Variants in LYPD6B observed in about 807,000 individuals in gnomAD.
LYPD6B encodes the protein LY6/PLAUR domain containing 6B.
In LYPD6B, 17 loss-of-function variants were observed where a neutral mutation model predicts 22.8. That is an observed-to-expected ratio of 0.75 (90% CI 0.51 to 1.12). The LOEUF (loss-of-function observed/expected upper bound fraction) is 1.12, where lower values mean the gene tolerates loss of function less well. Among genes scored for constraint, LYPD6B ranks in the 50% most tolerant of loss-of-function variants. The pLI, the probability that LYPD6B is intolerant of heterozygous loss-of-function variation, is 0.00. For missense variants in LYPD6B, 221 were observed against 258.3 expected, an observed-to-expected ratio of 0.86 and a Z score of 0.99; for synonymous variants, 106 against 91.6, an observed-to-expected ratio of 1.16 and a Z score of -0.90.
chr2:149,098,121 C>T (rs1447538557), intron 1 of LYPD6B, among the ~76,000 whole-genome samples: 1 of 151,992 alleles, frequency 6.6e-6, no homozygotes, highest in African/African-American at 2.4e-5. Context: ...AGATAATAGA[C>T]CCAGCTCTCA....
intron 1 of LYPD6B, among the ~76,000 whole-genome samples, chr2:149,051,727 G>A (rs1285667942): frequency 6.6e-6 from 1 of 151,990 alleles, no homozygotes; most frequent in African/African-American, 2.4e-5. Context: ...GTGCAGTGGT[G>A]CAATCTTGGC....
rs1376115176 is a variant in LYPD6B at position 149,141,832 on chromosome 2, T to C, written c.5+10879T>C. ...AAGGTGTCAGCAAGGCCATGCTTCC[T>C]CTAAGATCTGTAGAGAAATCTTTCT... On this transcript the variant is annotated intron_variant, in intron 2 of 6. Coordinates refer to ENST00000409642, the MANE Select transcript of LYPD6B (RefSeq NM_177964.5). Among the ~76,000 whole-genome samples, 3 of 152,232 alleles carry C rather than the reference T, an allele frequency of 2.0e-5. No individual in the cohort carries two copies. The East Asian group carries it at 5.8e-4, about 29-fold the overall frequency.
chr2:149,073,620 C>G (rs866474585), intron 1 of LYPD6B, among the ~76,000 whole-genome samples: 2 of 152,024 alleles, frequency 1.3e-5, no homozygotes, highest in Non-Finnish European at 2.9e-5. Flanking sequence ...CCCTTTTCTT[C>G]CACTCGGTGC....
chr2:149,074,644 G>A (rs776897993), intron 1 of LYPD6B, among the ~76,000 whole-genome samples: 1 of 152,206 alleles, frequency 6.6e-6, no homozygotes, highest in Non-Finnish European at 1.5e-5. Context: ...TAATATTGCT[G>A]TGATTCTAGA....
At chr2:149,180,878 A>G (rs547617637) in intron 3 of LYPD6B, among the ~76,000 whole-genome samples, 1 of 152,304 alleles carries the variant, frequency 6.6e-6, no homozygotes, top group South Asian at 2.1e-4. Context: ...GATGTACTTT[A>G]AAAAGGCCTC....
intron 1 of LYPD6B, among the ~76,000 whole-genome samples, chr2:149,115,330 G>C (rs1686950321): frequency 6.6e-6 from 1 of 152,176 alleles, no homozygotes. Flanking sequence ...GAAATTCTAA[G>C]CAGTTTTCTA....
At chr2:149,137,557 A>G (rs1394235540) in intron 2 of LYPD6B, among the ~76,000 whole-genome samples, 2 of 152,220 alleles carry the variant, frequency 1.3e-5, no homozygotes, top group Non-Finnish European at 2.9e-5. Flanking sequence ...TGTATATTTT[A>G]TGTGATACAA....
chr2:149,077,654 G>A (rs554781229), intron 1 of LYPD6B: 7 of 152,208 alleles, frequency 4.6e-5, no homozygotes, highest in Non-Finnish European at 7.4e-5. Context: ...AGTGAGCTGG[G>A]CACATCCACA....
intron 2 of LYPD6B, among the ~76,000 whole-genome samples, chr2:149,155,637 G>A (rs1689651708): frequency 6.6e-6 from 1 of 152,212 alleles, no homozygotes; most frequent in East Asian, 1.9e-4. Context: ...GGAACATGAG[G>A]ACAGGCTAAG....
At chr2:149,132,047 G>T (rs1192750390) in intron 2 of LYPD6B, among the ~76,000 whole-genome samples, 1 of 151,950 alleles carries the variant, frequency 6.6e-6, no homozygotes, top group Non-Finnish European at 1.5e-5. Flanking sequence ...GCTGAGCAAA[G>T]CCATGCATCC....
intron 2 of LYPD6B, among the ~76,000 whole-genome samples, chr2:149,131,946 G>T (rs1355416227): frequency 2.0e-5 from 3 of 152,066 alleles, no homozygotes; most frequent in African/African-American, 7.2e-5. Context: ...ACTCTCAGGT[G>T]ATCATTTTAG....
Position 149,124,567 on chromosome 2 carries a change from T to C in LYPD6B, c.-66-6316T>C, listed in dbSNP as rs144474360. ...CAACCCACGAGAGTAGCATCACTTC[T>C]AACAGTCCTGAAGTTGCATTAGCCG... On this transcript the variant is annotated intron_variant, in intron 1 of 6. Transcript: ENST00000409642. 3.1e-3 allele frequency among the ~76,000 whole-genome samples: 467 copies of C among 152,280 alleles called. 1 individual carries two copies. Among genetic ancestry groups the C allele is most frequent in the Admixed American group, 6.5e-3 (100 of 15,304 alleles).
intron 3 of LYPD6B, among the ~76,000 whole-genome samples, chr2:149,199,762 A>G (rs949698967): frequency 6.6e-6 from 1 of 152,210 alleles, no homozygotes; most frequent in East Asian, 1.9e-4. Context: ...TCCATGTACC[A>G]GAAATAGAGA....
intron 1 of LYPD6B, among the ~76,000 whole-genome samples, chr2:149,127,251 T>C (rs1687753743): frequency 6.6e-6 from 1 of 152,174 alleles, no homozygotes; most frequent in African/African-American, 2.4e-5. Context: ...ATTTACATTG[T>C]TTTGTTTTCT....
intron 2 of LYPD6B, among the ~76,000 whole-genome samples, chr2:149,144,373 G>A (rs374429963): frequency 6.7e-6 from 1 of 148,996 alleles, no homozygotes; most frequent in Admixed American, 6.6e-5. Context: ...TGAAAGACTA[G>A]TTTTTTTTGT....
chr2:149,120,361 G>GTGTATATA (rs796413041), intron 1 of LYPD6B, among the ~76,000 whole-genome samples: 5 of 38,754 alleles, frequency 1.3e-4, no homozygotes, highest in African/African-American at 5.3e-4. Flanking sequence ...GTGTGTGTGT[G>GTGTATATA]TATATATATA....
chr2:149,130,644 C>G (rs1240040653), intron 1 of LYPD6B, among the ~76,000 whole-genome samples: 1 of 152,138 alleles, frequency 6.6e-6, no homozygotes, highest in African/African-American at 2.4e-5. Context: ...CTTGCAGACA[C>G]TAAAAATGTG....
chr2:149,047,249 TAA>T lies in LYPD6B; in HGVS notation c.-67+8449_-67+8450del, dbSNP rs535302411. 2.0e-4 allele frequency among the ~76,000 whole-genome samples: 29 copies of T among 146,602 alleles called. 1 individual carries two copies. The South Asian group carries it at 6.3e-3, about 32-fold the overall frequency. ...GTGTAGGTCTCCTGGCAATGAATTC[TAA>T]GTTTTTGTTTCTCTTTGATTTCTAT... On this transcript the variant is annotated intron_variant, in intron 1 of 6. Transcript: ENST00000409642.
intron 4 of LYPD6B, among the ~76,000 whole-genome samples, chr2:149,207,521 AAG>A (rs1693575329): frequency 1.3e-5 from 2 of 152,232 alleles, no homozygotes; most frequent in Middle Eastern, 3.4e-3. Context: ...ACAAGGCCAA[AAG>A]AAAAAAAAAA....
Sources: gnomAD v4.1 joint callset for allele counts (sites outside exome capture counted in the v4.1 genomes callset) on GRCh38, gnomAD v4.1.1 for gene constraint, MANE v1.5 for transcripts, NCBI Gene and HGNC (gene_info 2026-07-23, HGNC 2026-07-21) for gene names.